Variants in IFI6 observed in about 807,000 individuals in gnomAD.
IFI6 encodes the protein interferon alpha-inducible protein 6.
IFI6 carries 10 observed loss-of-function variants against 12.7 expected under a neutral mutation model. The observed-to-expected ratio is 0.79, with a 90% confidence interval of 0.49 to 1.33. The LOEUF (loss-of-function observed/expected upper bound fraction) is 1.33. Ranked by LOEUF, IFI6 falls within the 40% of genes most tolerant of loss-of-function variation. The pLI, the probability that IFI6 is intolerant of heterozygous loss-of-function variation, is 0.00. For missense variants in IFI6, 154 were observed against 180.4 expected (o/e 0.85, Z 0.84); for synonymous variants, 89 against 86.2 (o/e 1.03, Z -0.18).
Position 27,670,046 on chromosome 1 carries a change from C to CAA in IFI6, c.-32-701_-32-700insTT, listed in dbSNP as rs1351501082. The CAA allele has an allele frequency of 6.6e-5, 10 of 152,338 alleles. 1 individual carries two copies. The highest frequency in any genetic ancestry group is 3.4e-3 in the Middle Eastern group (1 of 294). The allele number at this position is 152,338 out of a possible 1,614,324, so 9.4% of individuals were successfully genotyped here. A position where few individuals can be genotyped will look rare whatever the true frequency, so the allele number is the denominator to read the frequency against. On this transcript the variant is annotated intron_variant, in intron 1 of 4. Transcript: ENST00000361157. ...CCTCTGGTGAACACCAGCTGAGGGTCCCCAAATTCAATTCTGACACCACTA... is the reference window on the plus strand; with the variant it reads ...CCTCTGGTGAACACCAGCTGAGGGTCAACCCAAATTCAATTCTGACACCACTA...
chr1:27,669,537 A>T (rs575236350), intron 1 of IFI6, 191 bp from the exon 2 acceptor site: 3 of 537,360 alleles, frequency 5.6e-6, no homozygotes, highest in Non-Finnish European at 1.0e-5. Context: ...CCCTGCCCCA[A>T]CCGGTGGGTG....
At chr1:27,668,698 T>C (rs775339243) in intron 2 of IFI6, among the ~76,000 whole-genome samples, 163 bp from the exon 3 acceptor site, 4 of 152,088 alleles carry the variant, frequency 2.6e-5, no homozygotes, top group Non-Finnish European at 2.9e-5. Context: ...GCGCCGAGCC[T>C]GGCACAGAAC....
chr1:27,669,909 A>G (rs2090391080), intron 1 of IFI6: 1 of 153,274 alleles, frequency 6.5e-6, no homozygotes, highest in Non-Finnish European at 1.5e-5. Flanking sequence ...TTTTTCAGAA[A>G]GAAAGCACAG....
Position 27,668,881 on chromosome 1 carries a change from C to A in IFI6, c.71-346G>T, listed in dbSNP as rs184388881. Among the ~76,000 whole-genome samples, 1,128 of 152,132 alleles carry A rather than the reference C, an allele frequency of 7.4e-3. 10 individuals carry two copies. The highest frequency in any genetic ancestry group is 0.026 in the African/African-American group (1,094 of 41,482). On this transcript the variant is annotated intron_variant, in intron 2 of 4. Transcript: ENST00000361157. ...CCCTGAAACTCTCTCCTTTATCCCA[C>A]ACTCCTCCCATCCCCCAGCACCCTT...
At position 27,668,207 on chromosome 1, in the gene IFI6, G is replaced by C. The variant is rs889343531; in HGVS notation, c.298+19C>G. ...AATAGTAAAGAACGTCCCACCAGGG[G>C]CCCAGGCCCCGCACTCACCGAGGCT... On this transcript the variant is annotated intron_variant, in intron 4 of 4. Transcript: ENST00000361157. 6 of 1,472,706 alleles carry C rather than the reference G, an allele frequency of 4.1e-6. No individual in the cohort carries two copies. Among genetic ancestry groups the C allele is most frequent in the Non-Finnish European group, 5.4e-6 (6 of 1,118,382 alleles). The allele number at this position is 1,472,706 out of a possible 1,614,324, so 91.2% of individuals were successfully genotyped here. A position where few individuals can be genotyped will look rare whatever the true frequency, so the allele number is the denominator to read the frequency against.
In IFI6 at chr1:27,669,453, T is replaced by C. The variant is rs1571434204; in HGVS notation, c.-32-107A>G. Reference sequence around the variant, plus strand: ...TGAATCAGTAAAAAGCAGCGAGGTGTGGTGAATGGAACCCAGGATCCCTCT... The same window carrying C: ...TGAATCAGTAAAAAGCAGCGAGGTGCGGTGAATGGAACCCAGGATCCCTCT... On this transcript the variant is annotated intron_variant, in intron 1 of 4. Transcript: ENST00000361157. 3 of 688,916 alleles carry C rather than the reference T, an allele frequency of 4.4e-6. No homozygotes were observed. The East Asian group carries it at 8.3e-5, about 19-fold the overall frequency. The allele number at this position is 688,916 out of a possible 1,614,324, so 42.7% of individuals were successfully genotyped here.
chr1:27,669,150 T>TGCATCCTTACCC lies in IFI6; in HGVS notation c.70+83_70+94dup, dbSNP rs970629715. On this transcript the variant is annotated intron_variant, in intron 2 of 4. Coordinates refer to ENST00000361157, the MANE Select transcript of IFI6 (RefSeq NM_002038.4). ...CTGCATCCTTACCCGCATCTTTACC[T>TGCATCCTTACCC]GCATCCTTACCCGCATCCTTACCTG... The TGCATCCTTACCC allele has an allele frequency of 2.9e-6, 4 of 1,379,086 alleles. No homozygotes were observed. The Admixed American group carries it at 5.9e-5, about 20-fold the overall frequency. The allele number at this position is 1,379,086 out of a possible 1,614,324, so 85.4% of individuals were successfully genotyped here.
chr1:27,667,953 C>T (rs2090364124), intron 4 of IFI6, among the ~76,000 whole-genome samples: 1 of 152,190 alleles, frequency 6.6e-6, no homozygotes, highest in Non-Finnish European at 1.5e-5. Context: ...TGCCTGTAAT[C>T]CCAGCTACTT....
rs1181854074 is a variant in IFI6 at position 27,669,358 on chromosome 1, C to A, written c.-32-12G>T. On this transcript the variant is annotated splice_polypyrimidine_tract_variant and intron_variant, in intron 1 of 4. Transcript: ENST00000361157. ...CTCCGTCACTAGACCTGCGAACGGGCGAGAGGGAGATGGTCCCCGGAGCAT... is the reference window on the plus strand; with the variant it reads ...CTCCGTCACTAGACCTGCGAACGGGAGAGAGGGAGATGGTCCCCGGAGCAT... 5.3e-6 allele frequency: 8 copies of A among 1,513,410 alleles called. No homozygotes were observed. The highest frequency in any genetic ancestry group is 7.2e-6 in the Non-Finnish European group (8 of 1,112,636). The allele number at this position is 1,513,410 out of a possible 1,614,324, so 93.7% of individuals were successfully genotyped here.
intron 1 of IFI6, among the ~76,000 whole-genome samples, chr1:27,670,718 C>T (rs1035601372): frequency 3.9e-5 from 6 of 152,142 alleles, no homozygotes; most frequent in African/African-American, 1.2e-4. Flanking sequence ...TCCTTGTATT[C>T]GGCTATCTGG....
At chr1:27,668,075 A>AAAAT (rs538211202) in intron 4 of IFI6, 151 bp downstream of exon 4, 1 of 856,410 alleles carries the variant, frequency 1.2e-6, no homozygotes, top group South Asian at 2.1e-5. Context: ...ACTCTGTCTC[A>AAAAT]AAATAAATAA....
At chr1:27,669,550 C>A in intron 1 of IFI6, 1 of 522,318 alleles carries the variant, frequency 1.9e-6, no homozygotes. Flanking sequence ...GGTGGGTGTG[C>A]GGATTCTGTG....
chr1:27,666,322 C>T lies in IFI6; in HGVS notation c.*59G>A, dbSNP rs1571430420. On this transcript the variant is annotated 3_prime_UTR_variant, in exon 5 of 5. Transcript: ENST00000361157. ...AAAAAAAAAAAAAAAAGGCAAAGTT[C>T]TAGATCCTAACTGGAAGAGTTAGGC... The T allele has an allele frequency of 7.6e-6, 4 of 529,438 alleles. No homozygotes were observed. The highest frequency in any genetic ancestry group is 1.4e-5 in the Non-Finnish European group (4 of 296,272). The allele number at this position is 529,438 out of a possible 1,614,324, so 32.8% of individuals were successfully genotyped here.
At position 27,669,309 on chromosome 1, in the gene IFI6, C is replaced by G. The variant is rs1409399090; in HGVS notation, c.6G>C (p.Arg2=). 1 of 1,552,866 alleles carries G rather than the reference C, an allele frequency of 6.4e-7. No homozygotes were observed. The highest frequency in any genetic ancestry group is 1.2e-5 in the South Asian group (1 of 84,160). M[R]QKAVSLFLCY... ...ACAAGAAAAGCGATACCGCCTTCTG[C>G]CGCATGGTGGCGCCGCGCGCGGGCT... Residue 2 remains arginine (R), a synonymous_variant, in exon 2 of 5, where the codon CGG becomes CGC. Transcript: ENST00000361157.
chr1:27,668,476 A>T lies in IFI6; in HGVS notation c.130T>A (p.Phe44Ile). The change falls in exon 3 of 5, where the codon TTC becomes ATC. Residue 44 changes from phenylalanine to isoleucine, a missense_variant. By Grantham distance (21) the Phe-to-Ile change is conservative. Coordinates refer to ENST00000361157, the MANE Select transcript of IFI6 (RefSeq NM_002038.4). ...SGSGFWKALT[F>I]MAVGGGLAVA... Reference sequence around the variant, plus strand: ...GACCCACCTCCTCCGACGGCCATGAAGGTCAGGGCCTTCCAGAACCCGGAG... The same window carrying T: ...GACCCACCTCCTCCGACGGCCATGATGGTCAGGGCCTTCCAGAACCCGGAG... The T allele has an allele frequency of 6.2e-7, 1 of 1,611,718 alleles. No homozygotes were observed. The highest frequency in any genetic ancestry group is 1.1e-5 in the South Asian group (1 of 90,474).
intron 4 of IFI6, among the ~76,000 whole-genome samples, 155 bp from the exon 5 acceptor site, chr1:27,666,630 G>T (rs202030320): frequency 2.0e-5 from 1 of 50,012 alleles, no homozygotes; most frequent in Non-Finnish European, 4.7e-5. Flanking sequence ...GAGTCCCATT[G>T]CCTTGACATC....
At chr1:27,669,404 G>A (rs1381240418) in intron 1 of IFI6, 58 bp from the exon 2 acceptor site, 4 of 1,047,324 alleles carry the variant, frequency 3.8e-6, no homozygotes, top group Non-Finnish European at 4.3e-6. Flanking sequence ...CATCAGCTCC[G>A]TTGTTTTCCC....
intron 2 of IFI6, 101 bp downstream of exon 2, chr1:27,669,144 T>G: frequency 8.5e-7 from 1 of 1,176,460 alleles, no homozygotes; most frequent in African/African-American, 2.1e-5. Context: ...TACCCGCATC[T>G]TTACCTGCAT....
rs10649401 is a variant in IFI6 at position 27,666,289 on chromosome 1, CAAAAA to C, written c.*87_*91del. On this transcript the variant is annotated 3_prime_UTR_variant, in exon 5 of 5. Coordinates refer to ENST00000361157, the MANE Select transcript of IFI6 (RefSeq NM_002038.4). ...TGGACAATATAGTGAGAACCCATCTCAAAAAAAAAAAAAAAAAAAAAAAGGCAAAG... is the reference window on the plus strand; with the variant it reads ...TGGACAATATAGTGAGAACCCATCTCAAAAAAAAAAAAAAAAAAGGCAAAG... 5.3e-4 allele frequency: 136 copies of C among 255,942 alleles called. 1 individual carries two copies. The highest frequency in any genetic ancestry group is 4.3e-3 in the East Asian group (48 of 11,052). The allele number at this position is 255,942 out of a possible 1,614,324, so 15.9% of individuals were successfully genotyped here.
Sources: allele counts gnomAD v4.1 joint callset (sites outside exome capture counted in the v4.1 genomes callset), GRCh38; gene constraint gnomAD v4.1.1; transcripts MANE v1.5; gene names NCBI Gene and HGNC (gene_info 2026-07-23, HGNC 2026-07-21).